CCDC91: variants seen among roughly 807,000 people sequenced by gnomAD.
CCDC91 encodes the protein coiled-coil domain containing 91.
A neutral mutation model predicts 63.2 loss-of-function variants in CCDC91; 48 were observed. That is an observed-to-expected ratio of 0.76 (90% CI 0.60 to 0.97). CCDC91 has a LOEUF of 0.97. CCDC91 is among the 50% of genes least tolerant of loss of function. CCDC91 has a pLI of 0.00. For synonymous variants in CCDC91, 167 were observed against 165.8 expected (o/e 1.01, Z -0.06); for missense variants, 500 against 494.6 (o/e 1.01, Z -0.10).
chr12:28,325,730 T>G (rs1174321945), intron 6 of CCDC91, among the ~76,000 whole-genome samples: 1 of 151,798 alleles, frequency 6.6e-6, no homozygotes, highest in Admixed American at 6.6e-5. Context: ...ATTAAACCAG[T>G]GTTGCTGAAG....
chr12:28,505,638 T>C (rs1938610970), intron 12 of CCDC91: 1 of 152,070 alleles, frequency 6.6e-6, no homozygotes, highest in Non-Finnish European at 1.5e-5. Context: ...GAATTGCAGA[T>C]TCAGATTTAC....
intron 12 of CCDC91, among the ~76,000 whole-genome samples, chr12:28,541,200 CA>C (rs2141809824): frequency 6.6e-6 from 1 of 152,244 alleles, no homozygotes; most frequent in Admixed American, 6.5e-5. Flanking sequence ...CTGTGCATAG[CA>C]GGGAGCAAGT....
chr12:28,478,531 C>G (rs569999399), intron 11 of CCDC91, among the ~76,000 whole-genome samples: 36 of 152,254 alleles, frequency 2.4e-4, no homozygotes, highest in Admixed American at 7.2e-4. Flanking sequence ...CTAGGCAATA[C>G]CATTCAGGAC....
At chr12:28,517,775 T>C (rs1940114726) in intron 12 of CCDC91, among the ~76,000 whole-genome samples, 1 of 151,740 alleles carries the variant, frequency 6.6e-6, no homozygotes, top group Non-Finnish European at 1.5e-5. Context: ...AGTCTTTTAT[T>C]CCTCACCTCC....
chr12:28,199,484 A>T (rs1942042836), intron 1 of CCDC91, among the ~76,000 whole-genome samples: 1 of 152,166 alleles, frequency 6.6e-6, no homozygotes, highest in South Asian at 2.1e-4. Flanking sequence ...AGCCACAACC[A>T]AACATACATT....
intron 3 of CCDC91, among the ~76,000 whole-genome samples, chr12:28,260,253 C>A (rs774335647): frequency 4.6e-5 from 7 of 151,866 alleles, no homozygotes; most frequent in Non-Finnish European, 8.8e-5. Context: ...TATTTTCATA[C>A]CTGATCTGAG....
intron 1 of CCDC91, among the ~76,000 whole-genome samples, chr12:28,203,358 C>G (rs1281053963): frequency 1.5e-4 from 23 of 152,198 alleles, no homozygotes; most frequent in Admixed American, 1.4e-3. Flanking sequence ...CTTAACTCCA[C>G]TATTCCTGCT....
chr12:28,483,362 A>T (rs1951547371), intron 11 of CCDC91, among the ~76,000 whole-genome samples: 1 of 152,106 alleles, frequency 6.6e-6, no homozygotes, highest in Non-Finnish European at 1.5e-5. Context: ...CCATTTCATG[A>T]TACACTATTG....
At chr12:28,492,778 A>G (rs1351150346) in intron 12 of CCDC91, among the ~76,000 whole-genome samples, 3 of 151,590 alleles carry the variant, frequency 2.0e-5, no homozygotes, top group Non-Finnish European at 3.0e-5. Context: ...CTATAAAACT[A>G]TGTTGTTTTT....
chr12:28,514,474 T>C (rs1267344163), intron 12 of CCDC91, among the ~76,000 whole-genome samples: 2 of 151,660 alleles, frequency 1.3e-5, no homozygotes, highest in Admixed American at 6.6e-5. Flanking sequence ...GTTTGTTTTT[T>C]GTTTTGTTTT....
intron 7 of CCDC91, among the ~76,000 whole-genome samples, 155 bp downstream of exon 7, chr12:28,362,670 A>T (rs539315750): frequency 3.3e-5 from 5 of 152,342 alleles, no homozygotes; most frequent in African/African-American, 1.2e-4. Context: ...CATTGAAAGC[A>T]TACTCAGTGG....
chr12:28,352,184 T>C (rs1365848594), intron 6 of CCDC91, among the ~76,000 whole-genome samples: 2 of 152,236 alleles, frequency 1.3e-5, no homozygotes, highest in African/African-American at 2.4e-5. Flanking sequence ...TGAGCTTTCA[T>C]TGAGTCATAA....
rs116149307 is a variant in CCDC91 at position 28,448,311 on chromosome 12, A to G, written c.763-1850A>G. On this transcript the variant is annotated intron_variant, in intron 8 of 12. Transcript: ENST00000536442. ...ACTTTCAACAGTGCCTGGAACCTCAAAAGTGCTATTATTATCTATAAGTAT... is the reference window on the plus strand; with the variant it reads ...ACTTTCAACAGTGCCTGGAACCTCAGAAGTGCTATTATTATCTATAAGTAT... 2.4e-3 allele frequency among the ~76,000 whole-genome samples: 364 copies of G among 152,282 alleles called. 1 individual carries two copies. Among genetic ancestry groups the G allele is most frequent in the African/African-American group, 8.3e-3 (347 of 41,572 alleles).
chr12:28,351,905 G>T (rs1198156098), intron 6 of CCDC91, among the ~76,000 whole-genome samples: 2 of 152,098 alleles, frequency 1.3e-5, no homozygotes, highest in Non-Finnish European at 2.9e-5. Context: ...GAGTTAAGGG[G>T]ATTCATGCTA....
At chr12:28,479,142 T>A (rs1951294929) in intron 11 of CCDC91, among the ~76,000 whole-genome samples, 1 of 152,176 alleles carries the variant, frequency 6.6e-6, no homozygotes, top group Non-Finnish European at 1.5e-5. Context: ...TAAATCATGC[T>A]GCTATAAAGA....
chr12:28,200,032 T>C (rs1023744173), intron 1 of CCDC91, among the ~76,000 whole-genome samples: 5 of 152,084 alleles, frequency 3.3e-5, no homozygotes, highest in Non-Finnish European at 7.4e-5. Flanking sequence ...TTCTTTCTGT[T>C]CCTTCCTTTT....
At chr12:28,286,830 A>G (rs899148748) in intron 3 of CCDC91, among the ~76,000 whole-genome samples, 27 of 152,168 alleles carry the variant, frequency 1.8e-4, no homozygotes, top group Admixed American at 5.9e-4. Flanking sequence ...ACTCCCACCA[A>G]CAGTGTATAA....
chr12:28,466,057 CAG>C (rs1486240559), intron 11 of CCDC91, among the ~76,000 whole-genome samples: 1 of 146,236 alleles, frequency 6.8e-6, no homozygotes, highest in Non-Finnish European at 1.6e-5. Context: ...CTTTTAGTAG[CAG>C]AACTGACAAA....
chr12:28,454,434 A>AG (rs1949964953), intron 11 of CCDC91, among the ~76,000 whole-genome samples: 1 of 152,136 alleles, frequency 6.6e-6, no homozygotes, highest in Non-Finnish European at 1.5e-5. Context: ...GCTTGCAGAT[A>AG]GGTGAGACAG....
Sources: gnomAD v4.1 joint callset for allele counts (sites outside exome capture counted in the v4.1 genomes callset) on GRCh38, gnomAD v4.1.1 for gene constraint, MANE v1.5 for transcripts, NCBI Gene and HGNC (gene_info 2026-07-23, HGNC 2026-07-21) for gene names.